Variants in MTNAP1 observed in about 807,000 individuals in gnomAD.
MTNAP1 encodes the protein mitochondrial nucleoid-associated protein 1.
the MTNAP1 span, chr17:73,247,625 T>C: frequency 3.2e-6 from 1 of 309,030 alleles, no homozygotes; most frequent in South Asian, 4.2e-5. Flanking sequence ...AACTATTTAA[T>C]GATCCATGAG....
At chr17:73,243,118 T>C in the MTNAP1 span, 4 of 769,530 alleles carry the variant, frequency 5.2e-6, no homozygotes, top group Non-Finnish European at 8.7e-6. Context: ...TTACAGTATC[T>C]GGCATGCCCT....
the MTNAP1 span, chr17:73,235,793 C>T: frequency 6.2e-7 from 1 of 1,614,162 alleles, no homozygotes; most frequent in South Asian, 1.1e-5. Flanking sequence ...GAAAGAGCAG[C>T]TACTACAAAG....
At chr17:73,238,648 TG>T in the MTNAP1 span, among the ~76,000 whole-genome samples, 1 of 152,238 alleles carries the variant, frequency 6.6e-6, no homozygotes, top group Admixed American at 6.5e-5. Context: ...ACATTTGTGT[TG>T]CTTTGTGGTT....
At chr17:73,242,488 TTGTC>T in the MTNAP1 span, 2 of 575,136 alleles carry the variant, frequency 3.5e-6, no homozygotes, top group South Asian at 2.5e-5. Flanking sequence ...AGTTTTCCAT[TTGTC>T]TGTGTTCATT....
At chr17:73,245,696 C>T in the MTNAP1 span, 1 of 985,394 alleles carries the variant, frequency 1.0e-6, no homozygotes, top group Non-Finnish European at 1.2e-6. Flanking sequence ...GTGAGAAACA[C>T]AAGAGCTAAG....
the MTNAP1 span, chr17:73,248,443 G>A: frequency 7.3e-6 from 11 of 1,503,794 alleles, no homozygotes; most frequent in Non-Finnish European, 9.1e-6. Context: ...TAAAAGTCGT[G>A]TTCTGCCCTG....
At chr17:73,239,815 C>G in the MTNAP1 span, among the ~76,000 whole-genome samples, 1 of 152,152 alleles carries the variant, frequency 6.6e-6, no homozygotes, top group Admixed American at 6.6e-5. Context: ...GCCACCAGGC[C>G]TGGCCTGAGC....
chr17:73,240,810 G>A, the MTNAP1 span, among the ~76,000 whole-genome samples: 3 of 152,238 alleles, frequency 2.0e-5, no homozygotes, highest in East Asian at 3.9e-4. Context: ...CTGACAACAT[G>A]GTTGCAATTT....
At chr17:73,248,706 G>T in the MTNAP1 span, 1 of 692,444 alleles carries the variant, frequency 1.4e-6, no homozygotes. Context: ...GGACATGCCT[G>T]AATACCCCGG....
At chr17:73,235,285 G>T in the MTNAP1 span, among the ~76,000 whole-genome samples, 1 of 152,204 alleles carries the variant, frequency 6.6e-6, no homozygotes, top group South Asian at 2.1e-4. Flanking sequence ...TTACCATTCT[G>T]TCCTTGAATA....
At chr17:73,242,395 G>A in the MTNAP1 span, 2 of 1,350,280 alleles carry the variant, frequency 1.5e-6, no homozygotes, top group Non-Finnish European at 2.0e-6. Context: ...CAGGTTCTGG[G>A]CATTTGGAAA....
At chr17:73,239,805 G>A in the MTNAP1 span, among the ~76,000 whole-genome samples, 1 of 152,216 alleles carries the variant, frequency 6.6e-6, no homozygotes, top group South Asian at 2.1e-4. Flanking sequence ...ACAGGTGTGA[G>A]CCACCAGGCC....
chr17:73,242,503 T>C, the MTNAP1 span: 2 of 532,672 alleles, frequency 3.8e-6, no homozygotes, highest in Middle Eastern at 5.9e-4. Flanking sequence ...TGTGTTCATT[T>C]TGGAGTTGGA....
the MTNAP1 span, chr17:73,248,514 G>A: frequency 1.3e-6 from 2 of 1,551,584 alleles, no homozygotes; most frequent in Non-Finnish European, 8.7e-7. Flanking sequence ...CTTCCAGGCA[G>A]CAGCTTGAAT....
At chr17:73,242,416 C>A in the MTNAP1 span, 1 of 1,144,914 alleles carries the variant, frequency 8.7e-7, no homozygotes, top group Non-Finnish European at 1.2e-6. Flanking sequence ...AGTTTCTCTT[C>A]GGGCTGTTAA....
the MTNAP1 span, among the ~76,000 whole-genome samples, chr17:73,237,699 G>C: frequency 2.6e-5 from 4 of 152,058 alleles, no homozygotes. Flanking sequence ...GGACCAGGTT[G>C]TACAAGAAAT....
At chr17:73,239,685 A>ATT in the MTNAP1 span, among the ~76,000 whole-genome samples, 1 of 145,574 alleles carries the variant, frequency 6.9e-6, no homozygotes, top group Admixed American at 6.8e-5. Context: ...CGCCCAGCTA[A>ATT]TTTTTTTTTT....
the MTNAP1 span, chr17:73,236,203 A>T: frequency 6.2e-7 from 1 of 1,614,222 alleles, no homozygotes; most frequent in Admixed American, 1.7e-5. Context: ...TGGGGTTAAA[A>T]GGGTAAGAAC....
the MTNAP1 span, chr17:73,235,442 GTGC>G: frequency 1.4e-5 from 22 of 1,518,074 alleles, no homozygotes; most frequent in Non-Finnish European, 1.7e-5. Context: ...TACAAACTAT[GTGC>G]TTCTCATAAT....
Sources: gnomAD v4.1 joint callset for allele counts (sites outside exome capture counted in the v4.1 genomes callset) on GRCh38, gnomAD v4.1.1 for gene constraint, MANE v1.5 for transcripts, NCBI Gene and HGNC (gene_info 2026-07-23, HGNC 2026-07-21) for gene names.